CC2D2A: variants seen among roughly 807,000 people sequenced by gnomAD.
The protein encoded by CC2D2A is coiled-coil and C2 domain-containing protein 2A.
Under a neutral mutation model 212.9 loss-of-function variants are expected in CC2D2A, and 155 were observed. That is an observed-to-expected ratio of 0.73 (90% CI 0.64 to 0.83). The LOEUF (loss-of-function observed/expected upper bound fraction) is 0.83, where lower values mean the gene tolerates loss of function less well. CC2D2A is among the 40% of genes least tolerant of loss of function. The pLI, the probability that CC2D2A is intolerant of heterozygous loss-of-function variation, is 0.00. For synonymous variants in CC2D2A, 667 were observed against 686.5 expected (o/e 0.97, Z 0.44); for missense variants, 1,856 against 1,956.2 (o/e 0.95, Z 0.97).
chr4:15,544,585 C>T (rs1026890267), intron 17 of CC2D2A, among the ~76,000 whole-genome samples: 1 of 152,192 alleles, frequency 6.6e-6, no homozygotes, highest in African/African-American at 2.4e-5. Flanking sequence ...GGTGCCCAGC[C>T]ATGCCTCCAC....
At chr4:15,591,861 C>T (rs1056040090) in intron 33 of CC2D2A, among the ~76,000 whole-genome samples, 1 of 152,300 alleles carries the variant, frequency 6.6e-6, no homozygotes, top group Admixed American at 6.5e-5. Flanking sequence ...ATATGGTTGA[C>T]TAATTCTCAT....
At chr4:15,599,827 C>A in intron 36 of CC2D2A, 121 bp downstream of exon 36, 2 of 625,706 alleles carry the variant, frequency 3.2e-6, no homozygotes, top group Admixed American at 3.8e-5. Flanking sequence ...ATATTTAAAG[C>A]AGCATAAACT....
In CC2D2A at chr4:15,480,737, G is replaced by A. The variant is rs373080748; in HGVS notation, c.157G>A (p.Glu53Lys). The change falls in exon 4 of 37, where the codon GAA (glutamate) becomes AAA (lysine). Residue 53 changes from glutamate to lysine, a missense_variant. Glu to Lys is a moderately conservative substitution (Grantham distance 56, BLOSUM62 1). This residue lies in a region of CC2D2A where 1,512 missense variants were observed against 1,579.3 expected (regional missense o/e 0.96). Coordinates refer to ENST00000424120, the MANE Select transcript of CC2D2A (RefSeq NM_001378615.1). ...PTAVPKEMVS[E>K]KSHLGNPQEP... ...TGCTGTCCCCAAGGAAATGGTGTCC[G>A]AAAAATCCCACCTTGGCAACCCCCA... is the stretch of plus-strand genomic sequence containing the variant. 73 of 1,611,742 alleles carry A rather than the reference G, an allele frequency of 4.5e-5. No homozygotes were observed. Among genetic ancestry groups the A allele is most frequent in the East Asian group, 1.3e-4 (6 of 44,736 alleles).
At chr4:15,502,677 A>C in intron 5 of CC2D2A, 145 bp from the exon 6 acceptor site, 1 of 993,740 alleles carries the variant, frequency 1.0e-6, no homozygotes, top group East Asian at 2.6e-5. Flanking sequence ...GGCACAGATG[A>C]AAATTATGCT....
rs115743047 is a variant in CC2D2A, at chr4:15,593,791, G to A, written c.4315-2294G>A. 3.2e-3 allele frequency among the ~76,000 whole-genome samples: 481 copies of A among 152,176 alleles called. 5 individuals are homozygous for A. Among genetic ancestry groups the A allele is most frequent in the Admixed American group, 6.8e-3 (104 of 15,280 alleles). ...CTCCACTTTTACTGCTAGCATGTTCGTTCAAGTCACTGTAGCTCTCACCCA... is the reference window on the plus strand; with the variant it reads ...CTCCACTTTTACTGCTAGCATGTTCATTCAAGTCACTGTAGCTCTCACCCA... On this transcript the variant is annotated intron_variant, in intron 33 of 36. Coordinates refer to ENST00000424120, the MANE Select transcript of CC2D2A (RefSeq NM_001378615.1).
chr4:15,513,729 T>TG (rs1187394172), intron 8 of CC2D2A, among the ~76,000 whole-genome samples: 1 of 152,224 alleles, frequency 6.6e-6, no homozygotes, highest in South Asian at 2.1e-4. Context: ...GAAGCAGAGG[T>TG]GGGGCAGGAG....
intron 6 of CC2D2A, among the ~76,000 whole-genome samples, chr4:15,509,853 T>C (rs920748836): frequency 6.6e-6 from 1 of 152,160 alleles, no homozygotes; most frequent in Non-Finnish European, 1.5e-5. Context: ...ACCATAGCAA[T>C]GTAACACAAT....
At position 15,514,827 on chromosome 4, in the gene CC2D2A, C is replaced by G; in HGVS notation, c.838C>G (p.Gln280Glu). 6.2e-7 allele frequency: 1 copy of G among 1,613,852 alleles called. No homozygotes were observed. Among genetic ancestry groups the G allele is most frequent in the Non-Finnish European group, 8.5e-7 (1 of 1,179,794 alleles). The change falls in exon 9 of 37, where the codon CAG (glutamine) becomes GAG (glutamate). Residue 280 changes from glutamine (Q) to glutamate (E), a missense_variant. This residue lies in a region of CC2D2A where 1,512 missense variants were observed against 1,579.3 expected (regional missense o/e 0.96). Transcript: ENST00000424120. ...TTATGAAAGCATCCATGATCGGCTG[C>G]AGATGGAAAGAGAAATGCTCTTCAT... ...ADYESIHDRL[Q>E]MEREMLFIPS... is the part of the protein sequence containing the mutation.
chr4:15,579,897 C>A, intron 29 of CC2D2A, 71 bp from the exon 30 acceptor site: 1 of 1,206,062 alleles, frequency 8.3e-7, no homozygotes, highest in Non-Finnish European at 1.2e-6. Flanking sequence ...TGCATGTTGA[C>A]TGTGGAATCT....
At position 15,579,880 on chromosome 4, in the gene CC2D2A, C is replaced by T. The variant is rs975911149; in HGVS notation, c.3772-88C>T. On this transcript the variant is annotated intron_variant, in intron 29 of 36. Transcript: ENST00000424120. Reference sequence around the variant, plus strand: ...GAGTCAGTCATATTCCCAAACCATACATTTCCTGCATGTTGACTGTGGAAT... The same window carrying T: ...GAGTCAGTCATATTCCCAAACCATATATTTCCTGCATGTTGACTGTGGAAT... 40 of 1,018,224 alleles carry T rather than the reference C, an allele frequency of 3.9e-5. No individual in the cohort carries two copies. The South Asian group carries it at 5.2e-4, about 13-fold the overall frequency. The allele number at this position is 1,018,224 out of a possible 1,614,324, so 63.1% of individuals were successfully genotyped here.
chr4:15,525,900 T>C (rs1317785348), intron 11 of CC2D2A, among the ~76,000 whole-genome samples: 1 of 152,190 alleles, frequency 6.6e-6, no homozygotes, highest in Non-Finnish European at 1.5e-5. Context: ...CCAGCAATTA[T>C]TGGAATGTGG....
At chr4:15,492,937 T>A (rs1192999962) in intron 4 of CC2D2A, 3 of 527,178 alleles carry the variant, frequency 5.7e-6, no homozygotes, top group Non-Finnish European at 1.1e-5. Flanking sequence ...GGCCCTCTGA[T>A]GCCTGCTTCA....
rs745613164 is a variant in CC2D2A, at chr4:15,563,513, C to A, written c.3173C>A (p.Pro1058Gln). ...VRAYDIPVRK[P>Q]AVSKFQQPSR... ...GCTTACGACATTCCAGTGAGGAAGC[C>A]GGCAGTGAGGTGAGAGCCCTCCCAA... Residue 1058 changes from proline (P) to glutamine (Q), a missense_variant, in exon 24 of 37, where the codon CCG (proline) becomes CAG (glutamine). By Grantham distance (76) the Pro-to-Gln change is moderately conservative (BLOSUM62 -1). This residue lies in a region of CC2D2A where 1,512 missense variants were observed against 1,579.3 expected (regional missense o/e 0.96). Coordinates refer to ENST00000424120, the MANE Select transcript of CC2D2A (RefSeq NM_001378615.1). 1.9e-6 allele frequency: 3 copies of A among 1,611,398 alleles called. No individual in the cohort carries two copies. Among genetic ancestry groups the A allele is most frequent in the Non-Finnish European group, 2.5e-6 (3 of 1,178,988 alleles).
chr4:15,479,262 C>A, intron 3 of CC2D2A: 1 of 1,537,212 alleles, frequency 6.5e-7, no homozygotes, highest in East Asian at 2.4e-5. Flanking sequence ...GCAGATCCTC[C>A]CCCACCTCTC....
chr4:15,484,396 C>T (rs904272617), intron 4 of CC2D2A, among the ~76,000 whole-genome samples: 2 of 152,024 alleles, frequency 1.3e-5, no homozygotes, highest in Non-Finnish European at 2.9e-5. Flanking sequence ...ACTTTTAATC[C>T]GAATGAGATG....
intron 20 of CC2D2A, 49 bp from the exon 21 acceptor site, chr4:15,557,255 G>T: frequency 7.4e-7 from 1 of 1,344,782 alleles, no homozygotes. Context: ...AGTTTCTTTG[G>T]ATGAGATCTG....
Position 15,589,573 on chromosome 4 carries a change from AG to A in CC2D2A, c.4209del (p.Glu1403AspfsTer6). 1 of 1,612,708 alleles carries A rather than the reference AG, an allele frequency of 6.2e-7. No individual in the cohort carries two copies. The highest frequency in any genetic ancestry group is 8.5e-7 in the Non-Finnish European group (1 of 1,179,166). On this transcript the variant is annotated frameshift_variant, in exon 33 of 37. Coordinates refer to ENST00000424120, the MANE Select transcript of CC2D2A (RefSeq NM_001378615.1). LOFTEE classifies it high-confidence loss of function. ...CCAACTGCCTATGTGCTAACTTGGG[AG>A]CAAGGTCGTTATTTAATATGGAATC... ...EGPTAYVLTW[E>X]QGRYLIWNPC...
chr4:15,593,809 C>T (rs1248114909), intron 33 of CC2D2A, among the ~76,000 whole-genome samples: 1 of 152,182 alleles, frequency 6.6e-6, no homozygotes, highest in East Asian at 1.9e-4. Context: ...CACTGTAGCT[C>T]TCACCCAGAT....
chr4:15,528,155 G>T (rs1401913760), intron 12 of CC2D2A, among the ~76,000 whole-genome samples: 2 of 152,144 alleles, frequency 1.3e-5, no homozygotes, highest in Non-Finnish European at 2.9e-5. Context: ...TTTGACTATA[G>T]GCAATTTTGG....
Sources: gnomAD v4.1 joint callset for allele counts (sites outside exome capture counted in the v4.1 genomes callset) on GRCh38, gnomAD v4.1.1 for gene constraint, gnomAD v4.1.1 regional missense constraint, MANE v1.5 for transcripts, NCBI Gene and HGNC (gene_info 2026-07-23, HGNC 2026-07-21) for gene names.